Variants in ITPR1 observed in about 807,000 individuals in gnomAD.
ITPR1 encodes the protein inositol 1,4,5-trisphosphate receptor type 1, also known as inositol 1,4,5-trisphosphate-gated calcium channel ITPR1.
Under a neutral mutation model 318.4 loss-of-function variants are expected in ITPR1, and 96 were observed. The ratio of observed to expected loss-of-function variants is 0.30; its 90% CI spans 0.26 to 0.36. The LOEUF is 0.36. Ranked by LOEUF, ITPR1 falls within the 10% of genes least tolerant of loss-of-function variation. The pLI is 1.00. For missense variants in ITPR1, 2,440 were observed against 3,460.2 expected, an observed-to-expected ratio of 0.71 and a Z score of 7.40; for synonymous variants, 1,312 against 1,289.9, an observed-to-expected ratio of 1.02 and a Z score of -0.37.
rs2080598892 is a variant in ITPR1 at position 4,496,674 on chromosome 3, T to C, written c.-17+2168T>C. Among the ~76,000 whole-genome samples the C allele has an allele frequency of 2.6e-5, 4 of 152,288 alleles. No individual in the cohort carries two copies. In the South Asian group the frequency reaches 8.3e-4, roughly 32 times the overall value. ...GTGAGGAAGATCAGGGTGTTGGTAT[T>C]GCGGGGAGGGAGGAGAGTGGGCAGA... On this transcript the variant is annotated intron_variant, in intron 2 of 61. Coordinates refer to ENST00000649015, the MANE Select transcript of ITPR1 (RefSeq NM_001378452.1).
intron 39 of ITPR1, among the ~76,000 whole-genome samples, chr3:4,716,868 G>T (rs956880931): frequency 1.3e-5 from 2 of 152,136 alleles, no homozygotes; most frequent in Non-Finnish European, 2.9e-5. Flanking sequence ...ACCAGGCTGG[G>T]GATATGCTGG....
chr3:4,726,394 A>T (rs1349698534), intron 41 of ITPR1, among the ~76,000 whole-genome samples: 1 of 152,172 alleles, frequency 6.6e-6, no homozygotes, highest in African/African-American at 2.4e-5. Context: ...TCACTAAATG[A>T]AGGACTAACG....
intron 18 of ITPR1, 35 bp from the exon 19 acceptor site, chr3:4,669,619 T>C (rs2094029260): frequency 2.5e-6 from 4 of 1,581,684 alleles, no homozygotes; most frequent in East Asian, 4.6e-5. Flanking sequence ...CTCTGCTCTA[T>C]CTACAGAAAA....
intron 5 of ITPR1, among the ~76,000 whole-genome samples, chr3:4,635,711 A>G (rs1171692662): frequency 2.0e-5 from 3 of 152,132 alleles, no homozygotes; most frequent in African/African-American, 4.8e-5. Context: ...GGATTTAACC[A>G]ACCAGATCTC....
In ITPR1 at chr3:4,624,759, C is replaced by G. The variant is rs138229537; in HGVS notation, c.164-3004C>G. 7.6e-4 allele frequency among the ~76,000 whole-genome samples: 115 copies of G among 151,754 alleles called. 1 individual carries two copies. Among genetic ancestry groups the G allele is most frequent in the African/African-American group, 2.6e-3 (109 of 41,380 alleles). On this transcript the variant is annotated intron_variant, in intron 4 of 61. Coordinates refer to ENST00000649015, the MANE Select transcript of ITPR1 (RefSeq NM_001378452.1). ...TATAGTTTTATATTATCATTAACAC[C>G]TTGAAACACATAGATGCTTTGGGAT... is the stretch of plus-strand genomic sequence containing the variant.
chr3:4,669,919 G>C, intron 19 of ITPR1, 146 bp downstream of exon 19: 1 of 861,106 alleles, frequency 1.2e-6, no homozygotes, highest in Non-Finnish European at 1.6e-6. Flanking sequence ...GAAAAGTCTT[G>C]ATTAGGAGAA....
chr3:4,674,930 A>T (rs2094154083), intron 22 of ITPR1, 138 bp from the exon 23 acceptor site: 2 of 546,002 alleles, frequency 3.7e-6, no homozygotes, highest in East Asian at 6.4e-5. Context: ...TTTATCAGAA[A>T]GTGCAAGGAA....
intron 3 of ITPR1, among the ~76,000 whole-genome samples, chr3:4,517,117 T>C (rs1220632013): frequency 6.6e-6 from 1 of 152,236 alleles, no homozygotes; most frequent in African/African-American, 2.4e-5. Context: ...TTTTGCTCTT[T>C]TGTGCTTTTT....
In ITPR1 at chr3:4,683,694, C is replaced by T; in HGVS notation, c.3394C>T (p.Leu1132=). 6.2e-7 allele frequency: 1 copy of T among 1,614,014 alleles called. No homozygotes were observed. The highest frequency in any genetic ancestry group is 8.5e-7 in the Non-Finnish European group (1 of 1,179,880). Residue 1132 remains leucine, a synonymous_variant, in exon 28 of 62, where the codon CTG becomes TTG. Coordinates refer to ENST00000649015, the MANE Select transcript of ITPR1 (RefSeq NM_001378452.1). ...YKQIKQDLDQ[L]RSIVEKSELW... ...ACAGATCAAACAAGACTTGGATCAA[C>T]TGAGGTCCATCGTGGAAAAGTCAGA...
chr3:4,790,481 C>T (rs73807152), intron 52 of ITPR1, among the ~76,000 whole-genome samples: 2,092 of 152,296 alleles, frequency 0.014, 44 homozygotes, highest in African/African-American at 0.048. Flanking sequence ...TTTTAATTGG[C>T]TTCAAAACTA....
chr3:4,552,924 A>ATG (rs2085716455), intron 4 of ITPR1, among the ~76,000 whole-genome samples: 1 of 152,106 alleles, frequency 6.6e-6, no homozygotes, highest in South Asian at 2.1e-4. Flanking sequence ...CCAAATATAT[A>ATG]TTTCACAATG....
At chr3:4,777,184 A>G in intron 47 of ITPR1, 80 bp from the exon 48 acceptor site, 1 of 789,010 alleles carries the variant, frequency 1.3e-6, no homozygotes, top group Non-Finnish European at 2.1e-6. Flanking sequence ...TTGTGTTGAA[A>G]TAGCAGTTCA....
chr3:4,811,543 G>A, intron 56 of ITPR1, 83 bp downstream of exon 56: 1 of 1,128,142 alleles, frequency 8.9e-7, no homozygotes. Context: ...AACGACTTTA[G>A]TAATGCAGAT....
At chr3:4,711,314 C>T (rs1051218513) in intron 38 of ITPR1, among the ~76,000 whole-genome samples, 1 of 151,982 alleles carries the variant, frequency 6.6e-6, no homozygotes, top group East Asian at 1.9e-4. Context: ...TTTCTGGGCC[C>T]CTCTAAGGAC....
At position 4,498,150 on chromosome 3, in the gene ITPR1, A is replaced by C. The variant is rs1364430337; in HGVS notation, c.-17+3644A>C. ...TGATGTCACACAACAGTGTGAATGT[A>C]CTTAGTGCCACTGAGTTATAACATT... On this transcript the variant is annotated intron_variant, in intron 2 of 61. Coordinates refer to ENST00000649015, the MANE Select transcript of ITPR1 (RefSeq NM_001378452.1). Among the ~76,000 whole-genome samples, 7 of 152,188 alleles carry C rather than the reference A, an allele frequency of 4.6e-5. 1 individual carries two copies. Among genetic ancestry groups the C allele is most frequent in the Admixed American group, 4.6e-4 (7 of 15,284 alleles).
chr3:4,689,088 C>A (rs1337434458), intron 31 of ITPR1, among the ~76,000 whole-genome samples: 1 of 152,094 alleles, frequency 6.6e-6, no homozygotes, highest in African/African-American at 2.4e-5. Flanking sequence ...AAAAATGATG[C>A]CACACTCTAT....
intron 2 of ITPR1, among the ~76,000 whole-genome samples, chr3:4,500,904 AGTACAGT>A (rs756551152): frequency 9.9e-5 from 15 of 152,146 alleles, no homozygotes; most frequent in Non-Finnish European, 1.9e-4. Flanking sequence ...CCAAGGCTGG[AGTACAGT>A]GACATGATGT....
chr3:4,665,681 T>A (rs538757016), intron 17 of ITPR1, among the ~76,000 whole-genome samples: 69 of 152,216 alleles, frequency 4.5e-4, no homozygotes, highest in South Asian at 2.9e-3. Context: ...AGAAACATGA[T>A]CTTTATTTTG....
intron 44 of ITPR1, among the ~76,000 whole-genome samples, chr3:4,756,937 T>C (rs550820327): frequency 2.0e-5 from 3 of 152,262 alleles, no homozygotes; most frequent in Non-Finnish European, 2.9e-5. Context: ...TTCTTGGTAG[T>C]AATCAAAGTG....
Sources: allele counts gnomAD v4.1 joint callset (sites outside exome capture counted in the v4.1 genomes callset), GRCh38; gene constraint gnomAD v4.1.1; transcripts MANE v1.5; gene names NCBI Gene and HGNC (gene_info 2026-07-23, HGNC 2026-07-21).